DNM1: variants seen among roughly 807,000 people sequenced by gnomAD.
DNM1 encodes the protein dynamin-1.
Under a neutral mutation model 104.6 loss-of-function variants are expected in DNM1, and 29 were observed. That is an observed-to-expected ratio of 0.28 (90% CI 0.21 to 0.38). The LOEUF is 0.38. Among genes scored for constraint, DNM1 ranks in the 10% least tolerant of loss-of-function variants. The probability of loss-of-function intolerance (pLI) is 1.00; values close to 1 mark genes in which losing one functional copy is unlikely to be tolerated. For synonymous variants in DNM1, 445 were observed against 475.8 expected, an observed-to-expected ratio of 0.94 and a Z score of 0.84; for missense variants, 640 against 1,189.4, an observed-to-expected ratio of 0.54 and a Z score of 6.79.
In DNM1 at chr9:128,219,050, G is replaced by A. The variant is rs758325864; in HGVS notation, c.387G>A (p.Val129=). The A allele has an allele frequency of 5.6e-6, 9 of 1,613,762 alleles. No homozygotes were observed. The African/African-American group carries it at 1.2e-4, about 22-fold the overall frequency. Residue 129 remains valine (V), a splice_region_variant and synonymous_variant, in exon 4 of 22, where the codon GTG becomes GTA. Transcript: ENST00000372923. ...PINLRVYSPH[V]LNLTLVDLPG... is the part of the protein sequence containing the mutation. ...CCGCCCTCTCGCCGCCCTGTCCAGT[G>A]CTGAACCTGACCCTGGTGGACCTGC...
intron 1 of DNM1, among the ~76,000 whole-genome samples, chr9:128,207,295 G>A (rs10760550): frequency 0.34 from 52,325 of 151,864 alleles, 9,753 homozygotes; most frequent in African/African-American, 0.47. Context: ...CGGGCTGGAA[G>A]TAAAAATTTG....
chr9:128,241,895 A>G (rs1836389237), intron 14 of DNM1, among the ~76,000 whole-genome samples: 1 of 152,220 alleles, frequency 6.6e-6, no homozygotes, highest in African/African-American at 2.4e-5. Flanking sequence ...TAAGCTTCCA[A>G]GACTCGCAGT....
intron 10 of DNM1, among the ~76,000 whole-genome samples, chr9:128,231,531 A>G (rs1010810553): frequency 1.2e-4 from 19 of 152,160 alleles, no homozygotes; most frequent in Middle Eastern, 3.2e-3. Flanking sequence ...TTAGTGGATC[A>G]TAATTATTTT....
At chr9:128,244,732 A>G (rs1588440990) in intron 15 of DNM1, 2 of 533,494 alleles carry the variant, frequency 3.7e-6, no homozygotes, top group Middle Eastern at 6.4e-4. Flanking sequence ...CGAGGGTCTA[A>G]CCCAGCCCAG....
At chr9:128,230,641 G>A (rs1268710435) in intron 10 of DNM1, among the ~76,000 whole-genome samples, 4 of 151,626 alleles carry the variant, frequency 2.6e-5, no homozygotes, top group Admixed American at 1.3e-4. Flanking sequence ...TAGTAGAGAC[G>A]AGGTTTTACC....
At chr9:128,235,851 G>T (rs1166432685) in intron 11 of DNM1, among the ~76,000 whole-genome samples, 1 of 152,144 alleles carries the variant, frequency 6.6e-6, no homozygotes, top group African/African-American at 2.4e-5. Flanking sequence ...AGTAGCTGGG[G>T]CTACAGGTAC....
At position 128,204,226 on chromosome 9, in the gene DNM1, G is replaced by T. The variant is rs571057337; in HGVS notation, c.161+595G>T. Reference sequence around the variant, plus strand: ...CGCCATCCGTGCGCAGCGCGGCGAGGGGGGAGGCGCGGGCTGCAGGATGAG... The same window carrying T: ...CGCCATCCGTGCGCAGCGCGGCGAGTGGGGAGGCGCGGGCTGCAGGATGAG... On this transcript the variant is annotated intron_variant, in intron 1 of 21. Transcript: ENST00000372923. 2.2e-3 allele frequency: 335 copies of T among 152,630 alleles called. 1 individual carries two copies. Among genetic ancestry groups the T allele is most frequent in the Non-Finnish European group, 3.9e-3 (268 of 68,224 alleles). The allele number at this position is 152,630 out of a possible 1,614,324, so 9.5% of individuals were successfully genotyped here.
intron 1 of DNM1, among the ~76,000 whole-genome samples, chr9:128,215,967 G>A (rs1465309793): frequency 1.4e-5 from 2 of 146,008 alleles, no homozygotes; most frequent in Non-Finnish European, 1.5e-5. Flanking sequence ...TGGAAGTCAC[G>A]CCCCCAAAGG....
chr9:128,244,932 G>A (rs1195417721), intron 15 of DNM1: 1 of 328,660 alleles, frequency 3.0e-6, no homozygotes, highest in South Asian at 2.3e-5. Flanking sequence ...CCTAGCCCCA[G>A]ACCAGCCAGC....
chr9:128,215,123 G>A (rs942688261), intron 1 of DNM1, among the ~76,000 whole-genome samples: 1 of 152,236 alleles, frequency 6.6e-6, no homozygotes, highest in African/African-American at 2.4e-5. Context: ...GGGACCTGCT[G>A]GTCCTCCCCA....
In DNM1 at chr9:128,250,343, C is replaced by T; in HGVS notation, c.2305C>T (p.Pro769Ser). 1.3e-6 allele frequency: 2 copies of T among 1,587,718 alleles called. No individual in the cohort carries two copies. The highest frequency in any genetic ancestry group is 4.6e-5 in the East Asian group (2 of 43,618). ...CTCCTGGCTGCAGGTGCAGAGCGTACCGGCCGGACGCAGGTACCAGGGCCG... is the reference window on the plus strand; with the variant it reads ...CTCCTGGCTGCAGGTGCAGAGCGTATCGGCCGGACGCAGGTACCAGGGCCG... ...DDSWLQVQSVPAGRRSPTSSP... is the reference protein window; with the variant it reads ...DDSWLQVQSVSAGRRSPTSSP... The change falls in exon 20 of 22, where the codon CCG becomes TCG. Residue 769 changes from proline to serine, a missense_variant. By Grantham distance (74) the Pro-to-Ser change is moderately conservative. Around this residue, in one of 7 missense-constraint regions of DNM1, gnomAD observed 129 missense variants for 224.6 expected, o/e 0.57. Transcript: ENST00000372923.
Position 128,250,135 on chromosome 9 carries a change from G to A in DNM1, c.2097G>A (p.Ser699=). The A allele has an allele frequency of 6.2e-7, 1 of 1,614,154 alleles. No individual in the cohort carries two copies. Among genetic ancestry groups the A allele is most frequent in the East Asian group, 2.2e-5 (1 of 44,880 alleles). Residue 699 remains serine, a synonymous_variant, in exon 20 of 22, where the codon TCG becomes TCA. Coordinates refer to ENST00000372923, the MANE Select transcript of DNM1 (RefSeq NM_004408.4). ...CGCAGACCAAGGAGTTCATCTTCTC[G>A]GAGCTGCTGGCCAACCTGTACTCGT... ...MINNTKEFIF[S]ELLANLYSCG... is the part of the protein sequence containing the mutation.
intron 10 of DNM1, among the ~76,000 whole-genome samples, chr9:128,227,740 T>C (rs1362403463): frequency 6.6e-6 from 1 of 152,224 alleles, no homozygotes; most frequent in Non-Finnish European, 1.5e-5. Flanking sequence ...GCATGATTTA[T>C]ATGTTCAATG....
At chr9:128,235,311 T>C (rs1835945519) in intron 11 of DNM1, among the ~76,000 whole-genome samples, 2 of 151,914 alleles carry the variant, frequency 1.3e-5, no homozygotes, top group Non-Finnish European at 2.9e-5. Context: ...CTGGCCAACA[T>C]GGTGAAACCC....
In DNM1 at chr9:128,214,942, G is replaced by A. The variant is rs183553300; in HGVS notation, c.162-3289G>A. On this transcript the variant is annotated intron_variant, in intron 1 of 21. Transcript: ENST00000372923. The stretch of plus-strand genomic sequence containing the variant: ...TGGGGAGAAGGAGGGCCACCTAGGG[G>A]ACCCTTAAACAGAGGGCTAAAGTGG... 1.1e-3 allele frequency among the ~76,000 whole-genome samples: 174 copies of A among 152,392 alleles called. 2 individuals carry two copies. The South Asian group carries it at 0.012, about 11-fold the overall frequency.
Position 128,220,728 on chromosome 9 carries a change from T to TGC in DNM1, c.849+401_849+402dup, listed in dbSNP as rs753427632. 2.1e-4 allele frequency among the ~76,000 whole-genome samples: 24 copies of TGC among 115,144 alleles called. No individual in the cohort carries two copies. The highest frequency in any genetic ancestry group is 2.8e-4 in the South Asian group (1 of 3,596). 75.5% of individuals were successfully genotyped at this position (115,144 alleles called of 152,430 possible). A position where few individuals can be genotyped will look rare whatever the true frequency, so the allele number is the denominator to read the frequency against. On this transcript the variant is annotated intron_variant, in intron 6 of 21. Coordinates refer to ENST00000372923, the MANE Select transcript of DNM1 (RefSeq NM_004408.4). This position sits in a 1 kb window ranked among gnomAD's most constrained non-coding sequence, Gnocchi z 5.2. ...TGGAATGGGGCATCCAGAACTGAAG[T>TGC]GCGCGCGCGCGCGCGTGTGTGTGTG...
chr9:128,215,007 C>T (rs534146118), intron 1 of DNM1, among the ~76,000 whole-genome samples: 1 of 152,368 alleles, frequency 6.6e-6, no homozygotes, highest in African/African-American at 2.4e-5. Context: ...TAGGGAGCTG[C>T]TGAGTCATGC....
At chr9:128,215,951 C>A (rs1834578555) in intron 1 of DNM1, among the ~76,000 whole-genome samples, 1 of 152,058 alleles carries the variant, frequency 6.6e-6, no homozygotes, top group Non-Finnish European at 1.5e-5. Flanking sequence ...GGGGGACTCC[C>A]AAAACTGGAA....
chr9:128,239,649 G>T (rs1836243248), intron 12 of DNM1, 79 bp from the exon 13 acceptor site: 1 of 1,465,370 alleles, frequency 6.8e-7, no homozygotes, highest in Non-Finnish European at 9.5e-7. Context: ...AACCCTCTGG[G>T]TCCTGTGCCC....
Sources: gnomAD v4.1 joint callset for allele counts (sites outside exome capture counted in the v4.1 genomes callset) on GRCh38, gnomAD v4.1.1 for gene constraint, gnomAD v4.1.1 regional missense constraint, Gnocchi (gnomAD v3.1) non-coding constraint, MANE v1.5 for transcripts, NCBI Gene and HGNC (gene_info 2026-07-23, HGNC 2026-07-21) for gene names.